The following LAMB4 variants were observed in gnomAD, a reference collection of about 807,000 sequenced individuals.
LAMB4 encodes the protein laminin subunit beta-4.
In LAMB4, 196 loss-of-function variants were observed where a neutral mutation model predicts 199.2. That is an observed-to-expected ratio of 0.98 (90% CI 0.88 to 1.11). The LOEUF (loss-of-function observed/expected upper bound fraction) is 1.11, where lower values mean the gene tolerates loss of function less well. LAMB4 is among the 50% of genes least tolerant of loss of function. LAMB4 has a pLI of 0.00. For synonymous variants in LAMB4, 744 were observed against 770.6 expected (o/e 0.97, Z 0.57); for missense variants, 2,080 against 2,171.2 (o/e 0.96, Z 0.83).
At chr7:108,020,225 G>A (rs2034662053), downstream of LAMB4, among the ~76,000 whole-genome samples, 1 of 152,104 alleles carries the variant, frequency 6.6e-6, no homozygotes, top group South Asian at 2.1e-4. Context: ...TGTAATCCCA[G>A]CACTTTGGGA....
intron 12 of LAMB4, among the ~76,000 whole-genome samples, chr7:108,092,639 C>T (rs1258868157): frequency 6.6e-6 from 1 of 152,134 alleles, no homozygotes; most frequent in Non-Finnish European, 1.5e-5. Flanking sequence ...GGTGCGGTGG[C>T]TCCTGCCTGT....
intron 17 of LAMB4, among the ~76,000 whole-genome samples, chr7:108,072,829 C>T (rs7798163): frequency 0.14 from 21,507 of 152,082 alleles, 2,336 homozygotes; most frequent in African/African-American, 0.31. Context: ...ATGAAAATGA[C>T]TCTGTGCTCT....
chr7:108,024,856 A>G (rs564986096), intron 33 of LAMB4, among the ~76,000 whole-genome samples: 1 of 152,262 alleles, frequency 6.6e-6, no homozygotes, highest in African/African-American at 2.4e-5. Context: ...ATAAGTGGAT[A>G]CAAGAGGCAT....
At chr7:108,025,226 T>C (rs2034788450) in intron 33 of LAMB4, among the ~76,000 whole-genome samples, 2 of 152,162 alleles carry the variant, frequency 1.3e-5, no homozygotes, top group Admixed American at 6.5e-5. Context: ...TCTGTCATCC[T>C]GAGGCAATAA....
At chr7:108,108,009 C>T (rs748872861) in intron 5 of LAMB4, among the ~76,000 whole-genome samples, 190 bp from the exon 6 acceptor site, 6 of 152,182 alleles carry the variant, frequency 3.9e-5, no homozygotes, top group African/African-American at 9.7e-5. Context: ...GGCATGATCT[C>T]GGCTCACTGT....
intron 14 of LAMB4, among the ~76,000 whole-genome samples, chr7:108,084,246 C>T (rs941131502): frequency 6.6e-6 from 1 of 152,176 alleles, no homozygotes; most frequent in Non-Finnish European, 1.5e-5. Flanking sequence ...GTTTGTCTCA[C>T]TAGTGTCATT....
intron 3 of LAMB4, among the ~76,000 whole-genome samples, chr7:108,112,614 G>A (rs2038271434): frequency 6.6e-6 from 1 of 152,146 alleles, no homozygotes; most frequent in South Asian, 2.1e-4. Flanking sequence ...GATTTTTGAA[G>A]GTTACAACAG....
At chr7:108,032,542 ACT>A (rs1364150410) in intron 31 of LAMB4, among the ~76,000 whole-genome samples, 1 of 152,152 alleles carries the variant, frequency 6.6e-6, no homozygotes, top group Non-Finnish European at 1.5e-5. Context: ...ACCCAGGGCT[ACT>A]TCAAATGATA....
the LAMB4 span, among the ~76,000 whole-genome samples, chr7:108,016,714 G>A: frequency 6.6e-6 from 1 of 152,190 alleles, no homozygotes; most frequent in Non-Finnish European, 1.5e-5. Flanking sequence ...TTTTCTGACA[G>A]TCATTTTATA....
intron 17 of LAMB4, among the ~76,000 whole-genome samples, chr7:108,074,432 G>C (rs1430141474): frequency 6.6e-6 from 1 of 152,122 alleles, no homozygotes; most frequent in Non-Finnish European, 1.5e-5. Context: ...GCAGTGGTGT[G>C]ATCTTGTCTC....
chr7:108,054,441 G>T (rs570988238), intron 25 of LAMB4, among the ~76,000 whole-genome samples: 16 of 152,232 alleles, frequency 1.1e-4, no homozygotes, highest in Admixed American at 6.5e-4. Context: ...TATAGATAAT[G>T]AGTTACCTTA....
intron 2 of LAMB4, among the ~76,000 whole-genome samples, chr7:108,119,615 G>C (rs944214134): frequency 1.8e-4 from 28 of 152,254 alleles, no homozygotes; most frequent in African/African-American, 6.5e-4. Flanking sequence ...GGAAGGCAGA[G>C]GGGGAGGGAG....
At chr7:108,064,960 T>C (rs2036285331) in intron 21 of LAMB4, among the ~76,000 whole-genome samples, 1 of 150,972 alleles carries the variant, frequency 6.6e-6, no homozygotes, top group Admixed American at 6.6e-5. Context: ...GGCTGGAGTG[T>C]AGTGGCATAA....
At chr7:108,084,196 A>T (rs977057120) in intron 14 of LAMB4, among the ~76,000 whole-genome samples, 1 of 152,170 alleles carries the variant, frequency 6.6e-6, no homozygotes, top group South Asian at 2.1e-4. Context: ...GATGGTACCA[A>T]TTATAGCCTT....
chr7:108,069,316 T>C (rs372938837), intron 18 of LAMB4, among the ~76,000 whole-genome samples: 1 of 152,172 alleles, frequency 6.6e-6, no homozygotes, highest in African/African-American at 2.4e-5. Flanking sequence ...AAAATTTCAG[T>C]AGTGCTGAGG....
At chr7:108,068,968 G>T (rs982263923) in intron 18 of LAMB4, among the ~76,000 whole-genome samples, 1 of 152,138 alleles carries the variant, frequency 6.6e-6, no homozygotes, top group Non-Finnish European at 1.5e-5. Context: ...TTACAGGTGT[G>T]ACCCACCATG....
intron 3 of LAMB4, among the ~76,000 whole-genome samples, chr7:108,112,335 A>G (rs1584777399): frequency 6.6e-6 from 1 of 150,440 alleles, no homozygotes; most frequent in East Asian, 1.9e-4. Flanking sequence ...TTTTTTTGAG[A>G]CAGAGTCTCA....
chr7:108,046,217 C>T (rs1427114834), intron 28 of LAMB4, among the ~76,000 whole-genome samples: 1 of 150,928 alleles, frequency 6.6e-6, no homozygotes, highest in Non-Finnish European at 1.5e-5. Flanking sequence ...TACAGGCATG[C>T]ACCACCACTC....
Position 108,091,643 on chromosome 7 carries a change from G to A in LAMB4, c.1684C>T (p.Gln562Ter), listed in dbSNP as rs1480969183. 1.9e-6 allele frequency: 3 copies of A among 1,613,814 alleles called. No homozygotes were observed. Among genetic ancestry groups the A allele is most frequent in the Non-Finnish European group, 2.5e-6 (3 of 1,179,918 alleles). ...LYEAEEATTLQGLAPLGSETF... is the reference protein window; with the variant it reads ...LYEAEEATTL ...ATACGAACCAAAGGCGCCAGTCCTT[G>A]GAGTGTTGTGGCTTCCTCTGCCTCG... Residue 562 changes from glutamine to a stop codon, truncating the protein, a stop_gained, in exon 14 of 34, where the codon CAA becomes TAA. Coordinates refer to ENST00000388781, the MANE Select transcript of LAMB4 (RefSeq NM_007356.3). LOFTEE classifies it high-confidence loss of function.
Sources: gnomAD v4.1 joint callset for allele counts (sites outside exome capture counted in the v4.1 genomes callset) on GRCh38, gnomAD v4.1.1 for gene constraint, MANE v1.5 for transcripts, NCBI Gene and HGNC (gene_info 2026-07-23, HGNC 2026-07-21) for gene names.